The following AOPEP variants were observed in gnomAD, a reference collection of about 807,000 sequenced individuals.
The protein encoded by AOPEP is aminopeptidase O.
AOPEP carries 77 observed loss-of-function variants against 98.1 expected under a neutral mutation model. The ratio of observed to expected loss-of-function variants is 0.78; its 90% CI spans 0.65 to 0.95. The LOEUF (loss-of-function observed/expected upper bound fraction) is 0.95, where lower values mean the gene tolerates loss of function less well. AOPEP is among the 40% of genes least tolerant of loss of function. AOPEP has a pLI of 0.00. For missense variants in AOPEP, 1,024 were observed against 1,024.7 expected (o/e 1.00, Z 0.01); for synonymous variants, 346 against 365.3 (o/e 0.95, Z 0.60).
At chr9:94,916,708 AAT>A (rs1381737999) in intron 5 of AOPEP, among the ~76,000 whole-genome samples, 44 of 143,380 alleles carry the variant, frequency 3.1e-4, no homozygotes, top group African/African-American at 1.0e-3. Flanking sequence ...AAAAAAAAAA[AAT>A]TAAATAAATA....
At chr9:95,130,309 A>G in the AOPEP span, among the ~76,000 whole-genome samples, 1 of 151,966 alleles carries the variant, frequency 6.6e-6, no homozygotes, top group African/African-American at 2.4e-5. Flanking sequence ...TGAGAGAGAG[A>G]GAGAGAGAGA....
the AOPEP span, chr9:95,110,407 A>ACAT: frequency 5.9e-6 from 6 of 1,024,340 alleles, no homozygotes; most frequent in Non-Finnish European, 4.7e-6. Flanking sequence ...ACTGTTAAAA[A>ACAT]CATCAACCAG....
intron 5 of AOPEP, among the ~76,000 whole-genome samples, chr9:94,822,942 A>G (rs780966961): frequency 2.6e-5 from 4 of 152,014 alleles, no homozygotes; most frequent in Admixed American, 6.6e-5. Context: ...TGGAGCCTGC[A>G]GTCTGAACCA....
chr9:94,801,021 G>T lies in AOPEP; in HGVS notation c.1364+19G>T. The stretch of plus-strand genomic sequence containing the variant: ...TGGCCAGGTATGTTGTTCCATTGTG[G>T]CACTTGGGGTACATACATTTTGGAA... On this transcript the variant is annotated intron_variant, in intron 5 of 16. Coordinates refer to ENST00000375315, the MANE Select transcript of AOPEP (RefSeq NM_001193329.3). 1.2e-6 allele frequency: 2 copies of T among 1,613,048 alleles called. No homozygotes were observed. The highest frequency in any genetic ancestry group is 1.7e-6 in the Non-Finnish European group (2 of 1,179,060).
At chr9:94,932,010 C>G (rs557256200) in intron 7 of AOPEP, 1 of 1,197,990 alleles carries the variant, frequency 8.3e-7, no homozygotes, top group Non-Finnish European at 1.1e-6. Flanking sequence ...GACTGAATAA[C>G]GTGTCTAACC....
chr9:94,997,620 G>C (rs1361995958), intron 11 of AOPEP, among the ~76,000 whole-genome samples: 1 of 152,146 alleles, frequency 6.6e-6, no homozygotes, highest in African/African-American at 2.4e-5. Flanking sequence ...ACACCTTCTG[G>C]TGACTCTAAT....
At chr9:95,051,912 C>A (rs982341818) in intron 13 of AOPEP, among the ~76,000 whole-genome samples, 6 of 152,110 alleles carry the variant, frequency 3.9e-5, no homozygotes, top group African/African-American at 1.4e-4. Context: ...ACTGTGTTAG[C>A]CAGGATGGTC....
intron 14 of AOPEP, among the ~76,000 whole-genome samples, chr9:95,065,111 T>A (rs184360814): frequency 6.6e-6 from 1 of 152,334 alleles, no homozygotes; most frequent in East Asian, 1.9e-4. Context: ...ACATTTCTAT[T>A]TTGTTTTGTT....
chr9:94,955,006 T>C (rs531045444), intron 7 of AOPEP, among the ~76,000 whole-genome samples, 171 bp from the exon 8 acceptor site: 6 of 152,170 alleles, frequency 3.9e-5, no homozygotes, highest in Non-Finnish European at 8.8e-5. Context: ...AACCCAAATA[T>C]AAATCCCGTA....
chr9:94,796,446 G>T (rs2133595335), intron 4 of AOPEP, among the ~76,000 whole-genome samples: 1 of 152,316 alleles, frequency 6.6e-6, no homozygotes, highest in South Asian at 2.1e-4. Flanking sequence ...CAGCAAAGGT[G>T]CTCTGAAGTG....
At chr9:94,751,036 C>T (rs12345321) in intron 1 of AOPEP, among the ~76,000 whole-genome samples, 13,542 of 151,950 alleles carry the variant, frequency 0.089, 717 homozygotes, top group African/African-American at 0.13. Flanking sequence ...TGTGAGCCAC[C>T]GCACCTGGCC....
chr9:94,888,871 A>G (rs1009391951), intron 5 of AOPEP, among the ~76,000 whole-genome samples: 1 of 152,214 alleles, frequency 6.6e-6, no homozygotes, highest in African/African-American at 2.4e-5. Context: ...CTGCATGTGT[A>G]CGTGTATAGT....
chr9:95,119,836 C>T, the AOPEP span, among the ~76,000 whole-genome samples: 5 of 152,114 alleles, frequency 3.3e-5, no homozygotes, highest in Admixed American at 1.3e-4. Context: ...CTCAGCCTCC[C>T]GAGTAGCTAG....
At position 94,955,179 on chromosome 9, in the gene AOPEP, C is replaced by T. The variant is rs761342432; in HGVS notation, c.1664C>T (p.Pro555Leu). ...CSPEEMQVLR[P>L]SKDKTGHTSD... ...AAATTGTTACTAAATCGTTTTAGAC[C>T]CAGTAAAGACAAAACTGGCCACACA... The change falls in exon 8 of 17, where the codon CCC becomes CTC. Residue 555 changes from proline to leucine, a missense_variant and splice_region_variant. By Grantham distance (98) the Pro-to-Leu change is moderately conservative. Coordinates refer to ENST00000375315, the MANE Select transcript of AOPEP (RefSeq NM_001193329.3). 1 of 1,601,146 alleles carries T rather than the reference C, an allele frequency of 6.2e-7. No individual in the cohort carries two copies. Among genetic ancestry groups the T allele is most frequent in the South Asian group, 1.1e-5 (1 of 89,878 alleles).
chr9:94,928,187 C>T (rs565484655), intron 6 of AOPEP, among the ~76,000 whole-genome samples: 19 of 152,148 alleles, frequency 1.2e-4, no homozygotes, highest in African/African-American at 3.9e-4. Context: ...CAGAACAAGG[C>T]GACCTCCGCC....
Position 94,937,122 on chromosome 9 carries a change from G to A in AOPEP, c.1661+8591G>A, listed in dbSNP as rs72750315. Among the ~76,000 whole-genome samples the A allele has an allele frequency of 9.2e-3, 1,403 of 152,316 alleles. 12 individuals carry two copies. Among genetic ancestry groups the A allele is most frequent in the Non-Finnish European group, 0.017 (1,134 of 68,028 alleles). ...GTCCCCTCCCCGGAGATTGGGGGGC[G>A]GGGCTGAAAGTCCCAACCCTCTAAT... On this transcript the variant is annotated intron_variant, in intron 7 of 16. Coordinates refer to ENST00000375315, the MANE Select transcript of AOPEP (RefSeq NM_001193329.3).
intron 1 of AOPEP, among the ~76,000 whole-genome samples, chr9:94,755,989 G>T (rs112793573): frequency 1.3e-5 from 2 of 152,136 alleles, no homozygotes; most frequent in Non-Finnish European, 2.9e-5. Flanking sequence ...GCCAGGCAGG[G>T]TGGCTCACGC....
chr9:95,107,433 C>T, the AOPEP span: 1 of 722,698 alleles, frequency 1.4e-6, no homozygotes, highest in Non-Finnish European at 2.4e-6. Flanking sequence ...TTCACACAAA[C>T]CCAAATGGGC....
At position 94,924,071 on chromosome 9, in the gene AOPEP, G is replaced by T. The variant is rs1323353391; in HGVS notation, c.1450G>T (p.Ala484Ser). Reference sequence around the variant, plus strand: ...CCGCCTCTGCCATGAAATTGCCCATGCCTGGTTTGGCCTAGCCATCGGGGC... The same window carrying T: ...CCGCCTCTGCCATGAAATTGCCCATTCCTGGTTTGGCCTAGCCATCGGGGC... ...GTRLCHEIAHAWFGLAIGARD... is the reference protein window; with the variant it reads ...GTRLCHEIAHSWFGLAIGARD... Residue 484 changes from alanine to serine, a missense_variant, in exon 6 of 17, where the codon GCC (alanine) becomes TCC (serine). By Grantham distance (99) the Ala-to-Ser change is moderately conservative. Around this residue, in one of 3 missense-constraint regions of AOPEP, gnomAD observed 566 missense variants for 551.7 expected, o/e 1.03. Transcript: ENST00000375315. 6.5e-7 allele frequency: 1 copy of T among 1,526,912 alleles called. No individual in the cohort carries two copies. The allele number at this position is 1,526,912 out of a possible 1,614,324, so 94.6% of individuals were successfully genotyped here.
Sources: gnomAD v4.1 joint callset for allele counts (sites outside exome capture counted in the v4.1 genomes callset) on GRCh38, gnomAD v4.1.1 for gene constraint, gnomAD v4.1.1 regional missense constraint, MANE v1.5 for transcripts, NCBI Gene and HGNC (gene_info 2026-07-23, HGNC 2026-07-21) for gene names.